Variants in OXR1 observed in about 807,000 individuals in gnomAD.
The protein encoded by OXR1 is oxidation resistance 1, also known as oxidation resistance protein 1.
OXR1 carries 41 observed loss-of-function variants against 104.6 expected under a neutral mutation model. The observed-to-expected ratio is 0.39, with a 90% CI of 0.31 to 0.51. The LOEUF (loss-of-function observed/expected upper bound fraction) is 0.51, where lower values mean the gene tolerates loss of function less well. OXR1 is among the 20% of genes least tolerant of loss of function. OXR1 has a pLI of 0.77. For synonymous variants in OXR1, 348 were observed against 348.4 expected (o/e 1.00, Z 0.01); for missense variants, 955 against 1,031.9 (o/e 0.93, Z 1.02).
intron 3 of OXR1, among the ~76,000 whole-genome samples, chr8:106,586,984 GT>G (rs1818681383): frequency 6.6e-6 from 1 of 152,190 alleles, no homozygotes; most frequent in Non-Finnish European, 1.5e-5. Flanking sequence ...GATTTTTGCT[GT>G]AAAGAGAAGC....
intron 4 of OXR1, among the ~76,000 whole-genome samples, chr8:106,681,227 A>G (rs572624868): frequency 6.6e-6 from 1 of 152,320 alleles, no homozygotes; most frequent in East Asian, 1.9e-4. Context: ...TGGTAAACTT[A>G]CAGATTTTAC....
intron 3 of OXR1, among the ~76,000 whole-genome samples, chr8:106,582,697 G>A (rs1306818628): frequency 6.6e-6 from 1 of 152,142 alleles, no homozygotes; most frequent in Non-Finnish European, 1.5e-5. Context: ...TTAAGCCACA[G>A]AAGTGTTGTT....
At chr8:106,747,589 C>T (rs2131601147) in intron 16 of OXR1, among the ~76,000 whole-genome samples, 1 of 152,256 alleles carries the variant, frequency 6.6e-6, no homozygotes, top group East Asian at 1.9e-4. Context: ...TATAAAAATA[C>T]ACTTTCTGGC....
intron 3 of OXR1, among the ~76,000 whole-genome samples, chr8:106,660,050 G>T (rs968543056): frequency 6.6e-6 from 1 of 152,186 alleles, no homozygotes; most frequent in African/African-American, 2.4e-5. Context: ...CTTCCTGAAA[G>T]AATTTGGACA....
intron 3 of OXR1, among the ~76,000 whole-genome samples, chr8:106,676,802 T>C (rs1439464537): frequency 6.6e-6 from 1 of 152,098 alleles, no homozygotes; most frequent in African/African-American, 2.4e-5. Flanking sequence ...TTTAGATCTG[T>C]GAATAAACAT....
chr8:106,360,128 T>G (rs1355708251), intron 2 of OXR1, among the ~76,000 whole-genome samples: 3 of 152,140 alleles, frequency 2.0e-5, no homozygotes, highest in Non-Finnish European at 4.4e-5. Flanking sequence ...CATCTCTAAA[T>G]AGCTGGCATT....
At chr8:106,459,477 G>A (rs1010665143) in intron 2 of OXR1, among the ~76,000 whole-genome samples, 3 of 151,492 alleles carry the variant, frequency 2.0e-5, no homozygotes, top group African/African-American at 7.3e-5. Flanking sequence ...TTCCATTATA[G>A]CAATACAAAG....
At chr8:106,420,246 ATTTC>A (rs1818849498) in intron 2 of OXR1, among the ~76,000 whole-genome samples, 1 of 151,904 alleles carries the variant, frequency 6.6e-6, no homozygotes, top group South Asian at 2.1e-4. Context: ...ATATATCTTT[ATTTC>A]TTTGTTTGTA....
chr8:106,737,506 G>A lies in OXR1; in HGVS notation c.1957-14G>A. On this transcript the variant is annotated splice_polypyrimidine_tract_variant and intron_variant, in intron 11 of 16. Transcript: ENST00000517566. ...CTGTCAGTGGAATTATTGTCTTCCT[G>A]TCTCCATATTTAGGTAGTGTCAGTG... 1 of 621,236 alleles carries A rather than the reference G, an allele frequency of 1.6e-6. No individual in the cohort carries two copies. The highest frequency in any genetic ancestry group is 2.1e-6 in the Non-Finnish European group (1 of 480,068). The allele number at this position is 621,236 out of a possible 1,614,324, so 38.5% of individuals were successfully genotyped here. A position where few individuals can be genotyped will look rare whatever the true frequency, so the allele number is the denominator to read the frequency against.
chr8:106,529,572 C>A (rs1315355611), intron 3 of OXR1, among the ~76,000 whole-genome samples: 1 of 152,120 alleles, frequency 6.6e-6, no homozygotes, highest in Non-Finnish European at 1.5e-5. Context: ...GTTAAATAAG[C>A]TTGCCAACTC....
At chr8:106,686,039 A>G (rs1828681275) in intron 6 of OXR1, among the ~76,000 whole-genome samples, 1 of 152,196 alleles carries the variant, frequency 6.6e-6, no homozygotes. Flanking sequence ...AAAACTAAAC[A>G]TCGCACGTAC....
chr8:106,613,246 C>T (rs1411913180), intron 3 of OXR1, among the ~76,000 whole-genome samples: 1 of 152,196 alleles, frequency 6.6e-6, no homozygotes, highest in Non-Finnish European at 1.5e-5. Context: ...AACCCGAGTG[C>T]TTAGCGTAGG....
intron 1 of OXR1, among the ~76,000 whole-genome samples, chr8:106,287,170 CTGATA>C (rs1047971516): frequency 2.0e-5 from 3 of 152,090 alleles, no homozygotes; most frequent in African/African-American, 7.2e-5. Context: ...AATGACATTT[CTGATA>C]TAAGTTTAAA....
chr8:106,454,556 G>T (rs748594543), intron 2 of OXR1, among the ~76,000 whole-genome samples: 29 of 151,678 alleles, frequency 1.9e-4, no homozygotes, highest in Non-Finnish European at 2.9e-4. Context: ...AAGTTTTGAT[G>T]TCCATGTATA....
intron 1 of OXR1, among the ~76,000 whole-genome samples, chr8:106,320,425 T>C (rs1368193518): frequency 2.0e-5 from 3 of 152,120 alleles, no homozygotes; most frequent in Non-Finnish European, 4.4e-5. Flanking sequence ...GGGGGAATCG[T>C]TGTGATAACT....
At chr8:106,731,380 TGACA>T (rs1352977849) in intron 11 of OXR1, among the ~76,000 whole-genome samples, 1 of 152,198 alleles carries the variant, frequency 6.6e-6, no homozygotes, top group Non-Finnish European at 1.5e-5. Flanking sequence ...TTCATTCTCT[TGACA>T]GTGTCTTTCA....
intron 3 of OXR1, among the ~76,000 whole-genome samples, chr8:106,555,011 G>C (rs1192837751): frequency 6.6e-6 from 1 of 152,084 alleles, no homozygotes; most frequent in Non-Finnish European, 1.5e-5. Flanking sequence ...ACAGTTACCA[G>C]TTTTAGTCCC....
At chr8:106,705,986 A>T (rs922053090) in intron 8 of OXR1, among the ~76,000 whole-genome samples, 21 of 152,124 alleles carry the variant, frequency 1.4e-4, no homozygotes, top group Admixed American at 1.4e-3. Flanking sequence ...TTATTGGGAG[A>T]TTTAAAATTT....
intron 11 of OXR1, chr8:106,725,982 T>G: frequency 2.5e-6 from 1 of 395,652 alleles, no homozygotes; most frequent in Non-Finnish European, 4.4e-6. Flanking sequence ...TTTGCACATT[T>G]GGGTACAGTG....
Sources: gnomAD v4.1 joint callset for allele counts (sites outside exome capture counted in the v4.1 genomes callset) on GRCh38, gnomAD v4.1.1 for gene constraint, MANE v1.5 for transcripts, NCBI Gene and HGNC (gene_info 2026-07-23, HGNC 2026-07-21) for gene names.